BACH2: variants seen among roughly 807,000 people sequenced by gnomAD.
The protein encoded by BACH2 is BACH transcriptional regulator 2.
In BACH2, 5 loss-of-function variants were observed where a neutral mutation model predicts 61.8. The observed-to-expected ratio is 0.08, with a 90% CI of 0.04 to 0.17. BACH2 has a LOEUF of 0.17. BACH2 is among the 10% of genes least tolerant of loss of function. BACH2 has a pLI of 1.00. For missense variants in BACH2, 824 were observed against 1,091.1 expected (o/e 0.76, Z 3.45); for synonymous variants, 446 against 440.1 (o/e 1.01, Z -0.17).
chr6:90,098,613 G>A (rs1338608528), intron 4 of BACH2, among the ~76,000 whole-genome samples: 1 of 152,132 alleles, frequency 6.6e-6, no homozygotes, highest in Non-Finnish European at 1.5e-5. Flanking sequence ...ATTTCCACAT[G>A]ATAGCAAGAG....
chr6:90,014,440 G>GTGTGTGTGTGTGTGTATATATA (rs1330299169), intron 5 of BACH2, among the ~76,000 whole-genome samples: 2 of 48,036 alleles, frequency 4.2e-5, no homozygotes, highest in Non-Finnish European at 6.9e-5. Context: ...GTGTGTGTGT[G>GTGTGTGTGTGTGTGTATATATA]TATATATATA....
chr6:90,044,888 T>C (rs1002564838), intron 5 of BACH2, among the ~76,000 whole-genome samples: 3 of 152,100 alleles, frequency 2.0e-5, no homozygotes, highest in Non-Finnish European at 4.4e-5. Flanking sequence ...GTTTTGGATA[T>C]GACAACTTTG....
chr6:90,147,508 G>A (rs917402119), intron 4 of BACH2, among the ~76,000 whole-genome samples: 4 of 152,170 alleles, frequency 2.6e-5, no homozygotes, highest in African/African-American at 9.7e-5. Flanking sequence ...CCGGGTGCAC[G>A]AGGGTACCCT....
At chr6:90,205,008 G>A (rs1435963757) in intron 4 of BACH2, among the ~76,000 whole-genome samples, 1 of 152,184 alleles carries the variant, frequency 6.6e-6, no homozygotes, top group Admixed American at 6.5e-5. Flanking sequence ...AAAGCGGCCA[G>A]AGTCTCCCAT....
chr6:89,962,376 C>A (rs1186563469), intron 6 of BACH2, among the ~76,000 whole-genome samples: 1 of 152,188 alleles, frequency 6.6e-6, no homozygotes, highest in Non-Finnish European at 1.5e-5. Context: ...ATCCTCAGTA[C>A]TACACAGTCA....
At position 89,935,486 on chromosome 6, in the gene BACH2, C is replaced by T. The variant is rs757676424; in HGVS notation, c.2044-2596G>A. 5.9e-5 allele frequency among the ~76,000 whole-genome samples: 9 copies of T among 152,250 alleles called. No individual in the cohort carries two copies. The South Asian group carries it at 6.2e-4, about 11-fold the overall frequency. On this transcript the variant is annotated intron_variant, in intron 8 of 8. Coordinates refer to ENST00000257749, the MANE Select transcript of BACH2 (RefSeq NM_021813.4). Reference sequence around the variant, plus strand: ...CTAGGGGGAAGAAAATGAGGTGCCGCGTGTGACAGCAGCAGGGGAAGGCAT... The same window carrying T: ...CTAGGGGGAAGAAAATGAGGTGCCGTGTGTGACAGCAGCAGGGGAAGGCAT...
At chr6:89,935,023 T>C (rs943442354) in intron 8 of BACH2, among the ~76,000 whole-genome samples, 4 of 152,048 alleles carry the variant, frequency 2.6e-5, no homozygotes, top group African/African-American at 9.7e-5. Context: ...AAATGAAAAA[T>C]AAACAGATGT....
rs1771135381 is a variant in BACH2 at position 90,260,904 on chromosome 6, G to C, written c.-352-8314C>G. Among the ~76,000 whole-genome samples the C allele has an allele frequency of 1.3e-5, 2 of 152,142 alleles. 1 individual carries two copies. Among genetic ancestry groups the C allele is most frequent in the South Asian group, 4.1e-4 (2 of 4,830 alleles). On this transcript the variant is annotated intron_variant, in intron 2 of 8. Transcript: ENST00000257749. ...TCTGCTCAGGCCAATAGGAGTTCTTGAGCCAATTTGGCCCACTGGAAAAGT... is the reference window on the plus strand; with the variant it reads ...TCTGCTCAGGCCAATAGGAGTTCTTCAGCCAATTTGGCCCACTGGAAAAGT...
At chr6:90,021,643 G>T (rs146803746) in intron 5 of BACH2, among the ~76,000 whole-genome samples, 11 of 152,246 alleles carry the variant, frequency 7.2e-5, no homozygotes, top group Admixed American at 7.2e-4. Flanking sequence ...TCTTATAAAA[G>T]AAAGTTTTCA....
rs552231896 is a variant in BACH2, at chr6:90,139,094, G to A, written c.-161-49985C>T. Among the ~76,000 whole-genome samples the A allele has an allele frequency of 7.9e-5, 12 of 151,998 alleles. No individual in the cohort carries two copies. The East Asian group carries it at 2.3e-3, about 29-fold the overall frequency. ...TGACTTCCTTGTTTGCTCTCAGGGT[G>A]ACTTCACTAAAAAAAAAGGCATCAA... On this transcript the variant is annotated intron_variant, in intron 4 of 8. Transcript: ENST00000257749.
At chr6:90,138,065 C>T (rs1363226017) in intron 4 of BACH2, among the ~76,000 whole-genome samples, 1 of 151,714 alleles carries the variant, frequency 6.6e-6, no homozygotes, top group African/African-American at 2.4e-5. Flanking sequence ...CACACACACA[C>T]ACACACACAC....
At chr6:90,113,546 A>G (rs1362165892) in intron 4 of BACH2, among the ~76,000 whole-genome samples, 2 of 152,200 alleles carry the variant, frequency 1.3e-5, no homozygotes, top group Non-Finnish European at 2.9e-5. Flanking sequence ...GAAAATAATG[A>G]GAACAAAGAT....
chr6:90,282,670 G>C (rs959279729), intron 1 of BACH2, among the ~76,000 whole-genome samples: 1 of 152,034 alleles, frequency 6.6e-6, no homozygotes, highest in African/African-American at 2.4e-5. Flanking sequence ...GCACAGTAAT[G>C]AAACTGCTGG....
At chr6:89,941,885 A>G (rs1331893392) in intron 7 of BACH2, among the ~76,000 whole-genome samples, 1 of 152,228 alleles carries the variant, frequency 6.6e-6, no homozygotes, top group Non-Finnish European at 1.5e-5. Context: ...TCATCCAGAC[A>G]GTGAATATAA....
intron 6 of BACH2, among the ~76,000 whole-genome samples, chr6:90,002,950 A>G (rs1330887163): frequency 1.3e-5 from 2 of 152,088 alleles, no homozygotes; most frequent in Non-Finnish European, 1.5e-5. Flanking sequence ...TATCCAACAT[A>G]TAAGAAATTC....
At chr6:90,064,661 T>C (rs1401268623) in intron 5 of BACH2, among the ~76,000 whole-genome samples, 1 of 151,920 alleles carries the variant, frequency 6.6e-6, no homozygotes, top group Non-Finnish European at 1.5e-5. Context: ...GTAGTAGGGG[T>C]AGACAGGAAA....
intron 1 of BACH2, among the ~76,000 whole-genome samples, chr6:90,282,246 T>C (rs1771879906): frequency 1.3e-5 from 2 of 152,190 alleles, no homozygotes; most frequent in Admixed American, 6.5e-5. Flanking sequence ...GCTATACAGA[T>C]TATTTCATCA....
rs1478351286 is a variant in BACH2 at position 89,950,491 on chromosome 6, T to C, written c.1615A>G (p.Ser539Gly). The C allele has an allele frequency of 6.2e-7, 1 of 1,613,916 alleles. No homozygotes were observed. ...GAGGAGAACTCACAGAGAGGGAGGC[T>C]GCAGGGTGAGCCCCCGCTCCCGTCC... ...AEDGSGGSPC[S>G]LPLCEFSSSP... is the part of the protein sequence containing the mutation. Residue 539 changes from serine (S) to glycine (G), a missense_variant, in exon 7 of 9, where the codon AGC (serine) becomes GGC (glycine). Physicochemically the swap from Ser to Gly is moderately conservative, Grantham distance 56. Coordinates refer to ENST00000257749, the MANE Select transcript of BACH2 (RefSeq NM_021813.4). This position sits in a 1 kb window ranked among gnomAD's most constrained non-coding sequence, Gnocchi z 5.3.
At chr6:90,236,789 G>A (rs778754095) in intron 3 of BACH2, among the ~76,000 whole-genome samples, 8 of 152,138 alleles carry the variant, frequency 5.3e-5, no homozygotes, top group Admixed American at 1.3e-4. Flanking sequence ...ATAGAAAACT[G>A]TGCCTGTCAC....
Sources: gnomAD v4.1 joint callset for allele counts (sites outside exome capture counted in the v4.1 genomes callset) on GRCh38, gnomAD v4.1.1 for gene constraint, Gnocchi (gnomAD v3.1) non-coding constraint, MANE v1.5 for transcripts, NCBI Gene and HGNC (gene_info 2026-07-23, HGNC 2026-07-21) for gene names.